The following DKK4 variants were observed in gnomAD, a reference collection of about 807,000 sequenced individuals.
DKK4 encodes dickkopf Wnt signaling pathway inhibitor 4.
Under a neutral mutation model 14.5 loss-of-function variants are expected in DKK4, and 15 were observed. That is an observed-to-expected ratio of 1.03 (90% CI 0.69 to 1.59). The LOEUF is 1.59. Among genes scored for constraint, DKK4 ranks in the 40% most tolerant of loss-of-function variants. DKK4 has a pLI of 0.00. For missense variants in DKK4, 272 were observed against 280.3 expected, an observed-to-expected ratio of 0.97 and a Z score of 0.21; for synonymous variants, 89 against 105.2, an observed-to-expected ratio of 0.85 and a Z score of 0.94.
upstream of DKK4, among the ~76,000 whole-genome samples, chr8:42,379,410 GA>G (rs1563415756): frequency 7.6e-5 from 10 of 131,898 alleles, no homozygotes; most frequent in African/African-American, 2.8e-4. Flanking sequence ...GAGAGAGAGA[GA>G]GAGAGAGAGA....
upstream of DKK4, among the ~76,000 whole-genome samples, chr8:42,379,408 G>T (rs1824629169): frequency 7.6e-6 from 1 of 131,052 alleles, no homozygotes; most frequent in Non-Finnish European, 1.7e-5. Flanking sequence ...GAGAGAGAGA[G>T]AGAGAGAGAG....
Position 42,375,537 on chromosome 8 carries a change from A to G in DKK4, c.262+143T>C. 5 of 1,098,850 alleles carry G rather than the reference A, an allele frequency of 4.6e-6. No individual in the cohort carries two copies. In the South Asian group the frequency reaches 9.3e-5, roughly 20 times the overall value. The allele number at this position is 1,098,850 out of a possible 1,614,324, so 68.1% of individuals were successfully genotyped here. Reference sequence around the variant, plus strand: ...CGCCTCAGAAAAAAAAAAAAAAGGAAAAGAAAAGGCAGCTGCATACATTTA... The same window carrying G: ...CGCCTCAGAAAAAAAAAAAAAAGGAGAAGAAAAGGCAGCTGCATACATTTA... On this transcript the variant is annotated intron_variant, in intron 2 of 3. Coordinates refer to ENST00000220812, the MANE Select transcript of DKK4 (RefSeq NM_014420.3).
upstream of DKK4, among the ~76,000 whole-genome samples, chr8:42,379,153 AG>A (rs1824617192): frequency 4.7e-5 from 7 of 149,434 alleles, no homozygotes; most frequent in Admixed American, 4.7e-4. Flanking sequence ...CGGGAGGCTG[AG>A]GCAGGAGAAT....
chr8:42,376,652 T>G (rs935346235), intron 1 of DKK4, among the ~76,000 whole-genome samples: 1 of 152,180 alleles, frequency 6.6e-6, no homozygotes, highest in African/African-American at 2.4e-5. Flanking sequence ...ACGTATTACA[T>G]GTAAAAGAGC....
the DKK4 span, among the ~76,000 whole-genome samples, chr8:42,389,187 A>G: frequency 6.6e-6 from 1 of 152,158 alleles, no homozygotes; most frequent in Non-Finnish European, 1.5e-5. Flanking sequence ...CAAGCAATCC[A>G]CTGCCTCAGT....
At chr8:42,377,532 G>C (rs1208785856), upstream of DKK4, among the ~76,000 whole-genome samples, 2 of 152,278 alleles carry the variant, frequency 1.3e-5, no homozygotes, top group East Asian at 1.9e-4. Context: ...AATCCTTTGG[G>C]GGTAGGGAGG....
upstream of DKK4, among the ~76,000 whole-genome samples, chr8:42,380,687 AAAG>A (rs1309966342): frequency 1.3e-5 from 2 of 150,446 alleles, no homozygotes; most frequent in African/African-American, 2.4e-5. Context: ...AAAGAAAAGA[AAAG>A]AAAAGAAAAA....
the DKK4 span, among the ~76,000 whole-genome samples, chr8:42,384,639 TG>T: frequency 2.0e-5 from 3 of 152,144 alleles, no homozygotes; most frequent in East Asian, 3.9e-4. Flanking sequence ...GCCTCTCTCT[TG>T]GGGGGCCTTA....
At chr8:42,388,312 C>A in the DKK4 span, among the ~76,000 whole-genome samples, 57 of 152,184 alleles carry the variant, frequency 3.7e-4, no homozygotes, top group African/African-American at 1.3e-3. Flanking sequence ...TCACTGCAAC[C>A]TCTACCTCCC....
rs200453707 is a variant in DKK4 at position 42,374,612 on chromosome 8, GCTT to G, written c.415+146_415+148del. 407 of 1,248,024 alleles carry G rather than the reference GCTT, an allele frequency of 3.3e-4. 2 individuals carry two copies. In the East Asian group the frequency reaches 9.1e-3, roughly 28 times the overall value. The allele number at this position is 1,248,024 out of a possible 1,614,324, so 77.3% of individuals were successfully genotyped here. A position where few individuals can be genotyped will look rare whatever the true frequency, so the allele number is the denominator to read the frequency against. On this transcript the variant is annotated intron_variant, in intron 3 of 3. Coordinates refer to ENST00000220812, the MANE Select transcript of DKK4 (RefSeq NM_014420.3). ...GGCTACTCTCTACGTGACCCCCACA[GCTT>G]CTTACAGAAAGAGATAACAAACAGC...
the DKK4 span, among the ~76,000 whole-genome samples, chr8:42,382,393 A>G: frequency 1.3e-5 from 2 of 152,190 alleles, no homozygotes; most frequent in Admixed American, 6.5e-5. Context: ...TTTGGGGACT[A>G]GAGATGATGG....
chr8:42,389,603 G>C, the DKK4 span, among the ~76,000 whole-genome samples: 1 of 152,038 alleles, frequency 6.6e-6, no homozygotes. Flanking sequence ...GCAGCAACTT[G>C]GTATTGTGTA....
chr8:42,389,851 A>T, the DKK4 span, among the ~76,000 whole-genome samples: 5 of 152,030 alleles, frequency 3.3e-5, no homozygotes, highest in Admixed American at 6.6e-5. Context: ...CATCTCCTAA[A>T]ATCAAGGCCA....
chr8:42,386,123 G>C, the DKK4 span, among the ~76,000 whole-genome samples: 24 of 152,156 alleles, frequency 1.6e-4, no homozygotes, highest in African/African-American at 5.8e-4. Flanking sequence ...GTGTTGCCCG[G>C]GCTGGAGTGC....
At chr8:42,374,407 C>CT (rs779719530) in intron 3 of DKK4, 48 bp from the exon 4 acceptor site, 24 of 1,606,162 alleles carry the variant, frequency 1.5e-5, no homozygotes, top group Middle Eastern at 3.3e-4. Context: ...GGAAAGTGGC[C>CT]TGCTGGGGGT....
chr8:42,380,282 A>G (rs79805429), upstream of DKK4, among the ~76,000 whole-genome samples: 3,130 of 151,740 alleles, frequency 0.021, 106 homozygotes, highest in African/African-American at 0.072. Flanking sequence ...GCATGATCCT[A>G]TCCCTGCACT....
the DKK4 span, among the ~76,000 whole-genome samples, chr8:42,382,554 A>C: frequency 2.0e-5 from 3 of 152,238 alleles, no homozygotes; most frequent in African/African-American, 7.2e-5. Context: ...AATTCACTCC[A>C]CAAGGCCTCC....
upstream of DKK4, chr8:42,377,286 G>A (rs1348276550): frequency 1.2e-5 from 6 of 492,744 alleles, no homozygotes; most frequent in African/African-American, 3.9e-5. Context: ...TCCCCGCTCC[G>A]TTCCTTCCTC....
chr8:42,374,983 C>T (rs1762718020), intron 2 of DKK4, 70 bp from the exon 3 acceptor site: 3 of 1,532,124 alleles, frequency 2.0e-6, no homozygotes, highest in Admixed American at 3.4e-5. Context: ...ACTAATTATC[C>T]TACTGTTGCA....
Sources: allele counts gnomAD v4.1 joint callset (sites outside exome capture counted in the v4.1 genomes callset), GRCh38; gene constraint gnomAD v4.1.1; transcripts MANE v1.5; gene names NCBI Gene and HGNC (gene_info 2026-07-23, HGNC 2026-07-21).